The following ZNF260 variants were observed in gnomAD, a reference collection of about 807,000 sequenced individuals.
ZNF260 encodes the protein zfp-260.
In ZNF260, 21 loss-of-function variants were observed where a neutral mutation model predicts 29.3. The observed-to-expected ratio is 0.72, with a 90% CI of 0.51 to 1.03. The LOEUF is 1.03. Among genes scored for constraint, ZNF260 ranks in the 50% least tolerant of loss-of-function variants. The pLI is 0.00. For missense variants in ZNF260, 465 were observed against 487.8 expected, an observed-to-expected ratio of 0.95 and a Z score of 0.44; for synonymous variants, 156 against 156.8, an observed-to-expected ratio of 0.99 and a Z score of 0.04.
At position 36,515,395 on chromosome 19, in the gene ZNF260, TG is replaced by T; in HGVS notation, c.-158del. The T allele has an allele frequency of 1.4e-6, 1 of 696,032 alleles. No homozygotes were observed. The highest frequency in any genetic ancestry group is 2.8e-5 in the East Asian group (1 of 35,452). The allele number at this position is 696,032 out of a possible 1,614,324, so 43.1% of individuals were successfully genotyped here. A position where few individuals can be genotyped will look rare whatever the true frequency, so the allele number is the denominator to read the frequency against. Reference sequence around the variant, plus strand: ...TTATGATGGAAGACTTTTCTCACATTGATTACCCTGAGATGAGATGATTACA... The same window carrying T: ...TTATGATGGAAGACTTTTCTCACATTATTACCCTGAGATGAGATGATTACA... On this transcript the variant is annotated 5_prime_UTR_variant, in exon 3 of 3. Transcript: ENST00000523638.
At chr19:36,524,513 G>A (rs1283862509) in intron 2 of ZNF260, among the ~76,000 whole-genome samples, 2 of 102,244 alleles carry the variant, frequency 2.0e-5, no homozygotes, top group Non-Finnish European at 4.3e-5. Flanking sequence ...TAACTTACAT[G>A]CTAGTTTTTT....
Position 36,514,198 on chromosome 19 carries a change from A to T in ZNF260, c.1041T>A (p.Leu347=). ...CGKAFCQSSS[L]TVHMRSHTGE... is the part of the protein sequence containing the mutation. The stretch of plus-strand genomic sequence containing the variant: ...CTGTATGGCTTCTCATATGCACAGT[A>T]AGAGATGAGCTTTGACAGAAGGCTT... Residue 347 remains leucine, a synonymous_variant, in exon 3 of 3, where the codon CTT becomes CTA. Transcript: ENST00000523638. The T allele has an allele frequency of 6.2e-7, 1 of 1,614,032 alleles. No homozygotes were observed. The highest frequency in any genetic ancestry group is 8.5e-7 in the Non-Finnish European group (1 of 1,179,980).
chr19:36,524,869 T>G (rs2034708836), intron 2 of ZNF260, among the ~76,000 whole-genome samples: 1 of 152,014 alleles, frequency 6.6e-6, no homozygotes, highest in African/African-American at 2.4e-5. Flanking sequence ...ATCATAAAAT[T>G]GAGGCTGCAA....
intron 1 of ZNF260, among the ~76,000 whole-genome samples, chr19:36,527,516 T>C (rs1173126710): frequency 3.3e-5 from 5 of 152,178 alleles, no homozygotes; most frequent in East Asian, 1.9e-4. Flanking sequence ...AGGAGTGAGA[T>C]TGCTGCCCTC....
rs1483267629 is a variant in ZNF260, at chr19:36,510,704, A to G, written c.*3296T>C. ...CTGAAATCTAAGGGGTGATTACATG[A>G]ATTTTTATTGTACCATTTCTTATGG... On this transcript the variant is annotated 3_prime_UTR_variant, in exon 3 of 3. Transcript: ENST00000523638. 1 of 152,232 alleles carries G rather than the reference A, an allele frequency of 6.6e-6. No homozygotes were observed. Among genetic ancestry groups the G allele is most frequent in the Non-Finnish European group, 1.5e-5 (1 of 68,036 alleles). 9.4% of individuals were successfully genotyped at this position (152,232 alleles called of 1,614,324 possible).
intron 1 of ZNF260, among the ~76,000 whole-genome samples, chr19:36,527,049 T>C (rs2034747590): frequency 1.3e-5 from 2 of 152,208 alleles, no homozygotes; most frequent in South Asian, 2.1e-4. Context: ...CATAAAGAGC[T>C]TGAAGTTCCC....
In ZNF260 at chr19:36,516,632, G is replaced by A. The variant is rs550843202; in HGVS notation, c.-461-933C>T. Among the ~76,000 whole-genome samples the A allele has an allele frequency of 1.3e-3, 192 of 152,250 alleles. 1 individual carries two copies. Among genetic ancestry groups the A allele is most frequent in the African/African-American group, 3.9e-3 (164 of 41,556 alleles). On this transcript the variant is annotated intron_variant, in intron 2 of 2. Transcript: ENST00000523638. ...CTTGCTCTGTCGCCCAGGCTGGAGC[G>A]CAGTGGCATGATCTCGGCTCACTGC...
In ZNF260 at chr19:36,514,730, C is replaced by T. The variant is rs768995555; in HGVS notation, c.509G>A (p.Gly170Glu). The T allele has an allele frequency of 6.2e-7, 1 of 1,613,602 alleles. No individual in the cohort carries two copies. The highest frequency in any genetic ancestry group is 1.3e-5 in the African/African-American group (1 of 74,924). ...GEKPFECNQCGRAFSQKQYLI... is the reference protein window; with the variant it reads ...GEKPFECNQCERAFSQKQYLI... The stretch of plus-strand genomic sequence containing the variant: ...GTATTGCTTCTGGCTGAAGGCTCTT[C>T]CACACTGATTACATTCAAATGGTTT... The change falls in exon 3 of 3, where the codon GGA becomes GAA. Residue 170 changes from glycine to glutamate, a missense_variant. Transcript: ENST00000523638.
Position 36,528,008 on chromosome 19 carries a change from CT to C in ZNF260, c.-681+210del, listed in dbSNP as rs537305052. ...ACTAACTCTGCACCCTCAACACCCC[CT>C]CACACTCTCGGTCACCCACCCGCGA... On this transcript the variant is annotated intron_variant, in intron 1 of 2. Transcript: ENST00000523638. Among the ~76,000 whole-genome samples the C allele has an allele frequency of 7.4e-3, 1,120 of 152,210 alleles. 6 individuals are homozygous for C. Among genetic ancestry groups the C allele is most frequent in the Non-Finnish European group, 0.012 (799 of 68,016 alleles).
At chr19:36,527,459 G>T (rs758342627) in intron 1 of ZNF260, among the ~76,000 whole-genome samples, 2 of 152,126 alleles carry the variant, frequency 1.3e-5, no homozygotes, top group Non-Finnish European at 2.9e-5. Context: ...CACAAGAAAA[G>T]AATTTCCCCT....
Position 36,515,285 on chromosome 19 carries a change from A to G in ZNF260, c.-47T>C. 1 of 1,465,180 alleles carries G rather than the reference A, an allele frequency of 6.8e-7. No homozygotes were observed. The highest frequency in any genetic ancestry group is 9.1e-7 in the Non-Finnish European group (1 of 1,103,530). The allele number at this position is 1,465,180 out of a possible 1,614,324, so 90.8% of individuals were successfully genotyped here. On this transcript the variant is annotated 5_prime_UTR_variant, in exon 3 of 3. Coordinates refer to ENST00000523638, the MANE Select transcript of ZNF260 (RefSeq NM_001166037.2). ...ATTTCCCTAGTATCAAATAAGATGT[A>G]ATAAGGATGAAAGCTTTCCCACATT...
chr19:36,514,836 G>C lies in ZNF260; in HGVS notation c.403C>G (p.Pro135Ala), dbSNP rs1173267664. The change falls in exon 3 of 3, where the codon CCC becomes GCC. Residue 135 changes from proline (P) to alanine (A), a missense_variant. Physicochemically the swap from Pro to Ala is conservative, Grantham distance 27 (BLOSUM62 -1). Coordinates refer to ENST00000523638, the MANE Select transcript of ZNF260 (RefSeq NM_001166037.2). ...TTGCCACATTCCTTACATGCATAGG[G>C]TTTGGTTCCTGTATGATTTTTCTGG... ...RHQKNHTGTK[P>A]YACKECGKAF... The C allele has an allele frequency of 6.2e-7, 1 of 1,613,896 alleles. No homozygotes were observed. Among genetic ancestry groups the C allele is most frequent in the Non-Finnish European group, 8.5e-7 (1 of 1,180,016 alleles).
In ZNF260 at chr19:36,512,459, AC is replaced by A. The variant is rs1264222963; in HGVS notation, c.*1540del. The A allele has an allele frequency of 6.6e-6, 1 of 152,222 alleles. No individual in the cohort carries two copies. Among genetic ancestry groups the A allele is most frequent in the African/African-American group, 2.4e-5 (1 of 41,474 alleles). The allele number at this position is 152,222 out of a possible 1,614,324, so 9.4% of individuals were successfully genotyped here. A position where few individuals can be genotyped will look rare whatever the true frequency, so the allele number is the denominator to read the frequency against. On this transcript the variant is annotated 3_prime_UTR_variant, in exon 3 of 3. Transcript: ENST00000523638. ...TGTTTCTTTTTAATAAGAAATAGAT[AC>A]AAAATTGAAGTATCCTTTAACTACC... is the stretch of plus-strand genomic sequence containing the variant.
rs1175857703 is a variant in ZNF260, at chr19:36,514,240, C to T, written c.999G>A (p.Glu333=). ...AGAAGGCTTTCCCACAGACCTTACA[C>T]TCATAAGGCTTATCACCTGTATGAA... The part of the protein sequence containing the change: ...VRIHTGDKPY[E]CKVCGKAFCQ... The change falls in exon 3 of 3, where the codon GAG becomes GAA. Residue 333 remains glutamate, a synonymous_variant. Coordinates refer to ENST00000523638, the MANE Select transcript of ZNF260 (RefSeq NM_001166037.2). 8 of 1,614,024 alleles carry T rather than the reference C, an allele frequency of 5.0e-6. No individual in the cohort carries two copies. Among genetic ancestry groups the T allele is most frequent in the Non-Finnish European group, 6.8e-6 (8 of 1,179,986 alleles).
intron 2 of ZNF260, among the ~76,000 whole-genome samples, chr19:36,522,829 C>T (rs2034669204): frequency 6.6e-6 from 1 of 152,198 alleles, no homozygotes; most frequent in Non-Finnish European, 1.5e-5. Flanking sequence ...CAAATCTGGA[C>T]TATTCACCAC....
chr19:36,527,552 C>T (rs1238530193), intron 1 of ZNF260, among the ~76,000 whole-genome samples: 1 of 152,116 alleles, frequency 6.6e-6, no homozygotes, highest in Admixed American at 6.6e-5. Context: ...AGTTTCTTGA[C>T]CTCTGCGCTA....
intron 2 of ZNF260, among the ~76,000 whole-genome samples, chr19:36,520,731 G>A (rs1027651471): frequency 6.6e-6 from 1 of 152,004 alleles, no homozygotes; most frequent in African/African-American, 2.4e-5. Context: ...GTGGTGGCGG[G>A]CGCCTGTAGT....
intron 2 of ZNF260, among the ~76,000 whole-genome samples, chr19:36,524,444 G>A (rs1023891761): frequency 1.4e-4 from 21 of 151,628 alleles, no homozygotes; most frequent in Non-Finnish European, 5.9e-5. Flanking sequence ...CTCCCAAAGT[G>A]CTGGGATTAC....
intron 1 of ZNF260, among the ~76,000 whole-genome samples, chr19:36,527,634 T>C (rs781318892): frequency 5.9e-5 from 9 of 152,136 alleles, no homozygotes; most frequent in African/African-American, 9.7e-5. Context: ...AGATATTCCT[T>C]AGTTCAGGGT....
Sources: allele counts gnomAD v4.1 joint callset (sites outside exome capture counted in the v4.1 genomes callset), GRCh38; gene constraint gnomAD v4.1.1; transcripts MANE v1.5; gene names NCBI Gene and HGNC (gene_info 2026-07-23, HGNC 2026-07-21).